CLIP1: variants seen among roughly 807,000 people sequenced by gnomAD.
CLIP1 encodes the protein CAP-Gly domain-containing linker protein 1.
In CLIP1, 66 loss-of-function variants were observed where a neutral mutation model predicts 161.6. The ratio of observed to expected loss-of-function variants is 0.41; its 90% CI spans 0.33 to 0.50. CLIP1 has a LOEUF of 0.50. Ranked by LOEUF, CLIP1 falls within the 20% of genes least tolerant of loss-of-function variation. The probability of loss-of-function intolerance (pLI) is 0.27; values close to 1 mark genes in which losing one functional copy is unlikely to be tolerated. For missense variants in CLIP1, 1,376 were observed against 1,702.0 expected, an observed-to-expected ratio of 0.81 and a Z score of 3.37; for synonymous variants, 598 against 626.2, an observed-to-expected ratio of 0.96 and a Z score of 0.67.
chr12:122,284,036 C>T (rs1038768532), intron 21 of CLIP1, among the ~76,000 whole-genome samples: 1 of 152,058 alleles, frequency 6.6e-6, no homozygotes, highest in African/African-American at 2.4e-5. Flanking sequence ...ACGCATAGGC[C>T]TACATATGAA....
chr12:122,284,592 T>C (rs1955776809), intron 21 of CLIP1, among the ~76,000 whole-genome samples: 1 of 152,146 alleles, frequency 6.6e-6, no homozygotes, highest in Non-Finnish European at 1.5e-5. Flanking sequence ...CCTCAGGTGA[T>C]CCACCTGCCT....
intron 1 of CLIP1, among the ~76,000 whole-genome samples, chr12:122,389,562 C>A (rs1955492532): frequency 6.6e-6 from 1 of 151,892 alleles, no homozygotes; most frequent in African/African-American, 2.4e-5. Flanking sequence ...TGTTCGAGAC[C>A]AACCTGGCCA....
chr12:122,389,480 C>T (rs1015966992), intron 1 of CLIP1, among the ~76,000 whole-genome samples: 20 of 152,136 alleles, frequency 1.3e-4, no homozygotes, highest in Admixed American at 5.9e-4. Flanking sequence ...TATAAAGGGC[C>T]GGGTGCGGTG....
chr12:122,281,669 G>A (rs145291037), intron 21 of CLIP1, among the ~76,000 whole-genome samples: 108 of 151,980 alleles, frequency 7.1e-4, no homozygotes, highest in Middle Eastern at 6.8e-3. Flanking sequence ...AGCTGTGATA[G>A]TGTCACTGCA....
chr12:122,296,490 T>C (rs1950471975), intron 20 of CLIP1, among the ~76,000 whole-genome samples: 1 of 152,094 alleles, frequency 6.6e-6, no homozygotes, highest in Non-Finnish European at 1.5e-5. Flanking sequence ...CAAGGAAAAA[T>C]ATACCATTTA....
At chr12:122,364,606 T>C (rs1159838692) in intron 3 of CLIP1, among the ~76,000 whole-genome samples, 1 of 152,030 alleles carries the variant, frequency 6.6e-6, no homozygotes, top group Non-Finnish European at 1.5e-5. Context: ...GGTTTTGCCA[T>C]GTTGCCCAGG....
intron 1 of CLIP1, among the ~76,000 whole-genome samples, chr12:122,420,411 C>T (rs1956901416): frequency 6.6e-6 from 1 of 151,778 alleles, no homozygotes; most frequent in African/African-American, 2.4e-5. Context: ...ACCAGATTAG[C>T]TTATGTCATG....
At position 122,377,498 on chromosome 12, in the gene CLIP1, G is replaced by A. The variant is rs369229613; in HGVS notation, c.548C>T (p.Pro183Leu). ...AGTTTTTGTAAGGTTGCTGATCGGA[G>A]GCGTAGCTGAAGGTTCCTTTGCTGC... ...QPAAKEPSAT[P>L]PISNLTKTAS... Residue 183 changes from proline to leucine, a missense_variant, in exon 3 of 26, where the codon CCT (proline) becomes CTT (leucine). Transcript: ENST00000620786. 6.2e-7 allele frequency: 1 copy of A among 1,614,126 alleles called. No individual in the cohort carries two copies. The highest frequency in any genetic ancestry group is 8.5e-7 in the Non-Finnish European group (1 of 1,180,030).
intron 1 of CLIP1, among the ~76,000 whole-genome samples, chr12:122,390,275 T>TATACATAC (rs1182608807): frequency 2.1e-5 from 1 of 48,234 alleles, no homozygotes; most frequent in African/African-American, 4.5e-5. Context: ...CACATATATA[T>TATACATAC]ATACATATAT....
At chr12:122,345,315 C>A (rs986469856) in intron 10 of CLIP1, among the ~76,000 whole-genome samples, 2 of 128,836 alleles carry the variant, frequency 1.6e-5, no homozygotes, top group African/African-American at 2.7e-5. Flanking sequence ...AGCCACCACA[C>A]CCAGCTAATT....
intron 21 of CLIP1, among the ~76,000 whole-genome samples, chr12:122,285,208 A>C (rs893160781): frequency 6.6e-6 from 1 of 150,990 alleles, no homozygotes; most frequent in Non-Finnish European, 1.5e-5. Context: ...GTGCTACATA[A>C]ATGTAGGGAG....
At chr12:122,331,071 A>G (rs1035090597) in intron 15 of CLIP1, among the ~76,000 whole-genome samples, 2 of 150,894 alleles carry the variant, frequency 1.3e-5, no homozygotes, top group East Asian at 2.0e-4. Flanking sequence ...CTGGAGTGCA[A>G]TGGCACTATC....
chr12:122,307,514 T>G (rs1357349911), intron 20 of CLIP1, among the ~76,000 whole-genome samples: 1 of 152,188 alleles, frequency 6.6e-6, no homozygotes, highest in Non-Finnish European at 1.5e-5. Context: ...GTCTCGATTT[T>G]AGAATGAAAA....
chr12:122,416,055 T>C (rs748494966), intron 1 of CLIP1, among the ~76,000 whole-genome samples: 58 of 151,896 alleles, frequency 3.8e-4, no homozygotes, highest in Non-Finnish European at 6.9e-4. Flanking sequence ...CTGGCCAAGA[T>C]GGTGAAACCC....
At chr12:122,283,998 A>G (rs1394139983) in intron 21 of CLIP1, among the ~76,000 whole-genome samples, 2 of 152,198 alleles carry the variant, frequency 1.3e-5, no homozygotes, top group African/African-American at 4.8e-5. Flanking sequence ...TTGGTACTCA[A>G]TGGTTGACAC....
At position 122,279,012 on chromosome 12, in the gene CLIP1, C is replaced by T; in HGVS notation, c.3765+16G>A. The T allele has an allele frequency of 6.2e-7, 1 of 1,609,642 alleles. No individual in the cohort carries two copies. Among genetic ancestry groups the T allele is most frequent in the Non-Finnish European group, 8.5e-7 (1 of 1,178,646 alleles). ...GAGGCCGCGTGAAAGCTCGTGCACC[C>T]TGGGTGGTACTCTACCTCATTTCTC... On this transcript the variant is annotated intron_variant, in intron 22 of 25. Transcript: ENST00000620786. The surrounding 1 kb of genome is among the most constrained non-coding windows in gnomAD (Gnocchi z 4.5).
intron 20 of CLIP1, among the ~76,000 whole-genome samples, chr12:122,297,579 C>T (rs1374657321): frequency 2.6e-5 from 4 of 152,202 alleles, no homozygotes; most frequent in Admixed American, 6.5e-5. Flanking sequence ...TTAGTCTCTT[C>T]TCGAACCAAG....
At chr12:122,390,081 C>T (rs1955529372) in intron 1 of CLIP1, among the ~76,000 whole-genome samples, 1 of 147,158 alleles carries the variant, frequency 6.8e-6, no homozygotes. Flanking sequence ...TTCCTGAGGC[C>T]TCCCCAGAAA....
At position 122,289,795 on chromosome 12, in the gene CLIP1, C is replaced by T. The variant is rs553907989; in HGVS notation, c.3595-1254G>A. On this transcript the variant is annotated intron_variant, in intron 20 of 25. Coordinates refer to ENST00000620786, the MANE Select transcript of CLIP1 (RefSeq NM_001247997.2). ...GCCAAATACCACCAGTTTCAACTCA[C>T]ACTGTTAATGTTTTTTTTTTTTTTT... 2.1e-3 allele frequency among the ~76,000 whole-genome samples: 315 copies of T among 147,562 alleles called. 5 individuals carry two copies. The highest frequency in any genetic ancestry group is 7.8e-3 in the African/African-American group (305 of 39,014).
Sources: allele counts gnomAD v4.1 joint callset (sites outside exome capture counted in the v4.1 genomes callset), GRCh38; gene constraint gnomAD v4.1.1; non-coding constraint Gnocchi (gnomAD v3.1); transcripts MANE v1.5; gene names NCBI Gene and HGNC (gene_info 2026-07-23, HGNC 2026-07-21).